Variants in FAM78A observed in about 807,000 individuals in gnomAD.
FAM78A encodes the protein family with sequence similarity 78 member A, also known as protein FAM78A.
FAM78A carries 12 observed loss-of-function variants against 22.6 expected under a neutral mutation model. That is an observed-to-expected ratio of 0.53 (90% CI 0.34 to 0.86). The LOEUF is 0.86. Ranked by LOEUF, FAM78A falls within the 40% of genes least tolerant of loss-of-function variation. The probability of loss-of-function intolerance (pLI) is 0.02; values close to 1 mark genes in which losing one functional copy is unlikely to be tolerated. For missense variants in FAM78A, 322 were observed against 396.1 expected (o/e 0.81, Z 1.59); for synonymous variants, 151 against 155.8 (o/e 0.97, Z 0.23).
chr9:131,271,033 T>G (rs1835415530), intron 1 of FAM78A, among the ~76,000 whole-genome samples: 1 of 139,870 alleles, frequency 7.1e-6, no homozygotes. Flanking sequence ...TGAGATGTGG[T>G]CTCACTCTGT....
At chr9:131,270,552 G>A (rs1363013000) in intron 1 of FAM78A, 1 of 714,470 alleles carries the variant, frequency 1.4e-6, no homozygotes, top group Admixed American at 2.0e-5. Context: ...GCTCTCTTTA[G>A]GCTGGGTCAT....
chr9:131,277,056 G>A (rs1335166487), upstream of FAM78A, among the ~76,000 whole-genome samples: 2 of 150,728 alleles, frequency 1.3e-5, no homozygotes, highest in African/African-American at 4.8e-5. This position sits in a 1 kb window ranked among gnomAD's most constrained non-coding sequence, Gnocchi z 8.4. Context: ...GCGGGCTGCG[G>A]AGCTGACGGC....
rs1835436848 is a variant in FAM78A at position 131,272,833 on chromosome 9, G to A, written c.323+3024C>T. Among the ~76,000 whole-genome samples, 1 of 152,096 alleles carries A rather than the reference G, an allele frequency of 6.6e-6. No individual in the cohort carries two copies. Among genetic ancestry groups the A allele is most frequent in the African/African-American group, 2.4e-5 (1 of 41,406 alleles). ...GTAATCCCAGCTACTCTGGAGGCTGGAGCCGGAGAATCACTTGAACCCGGG... is the reference window on the plus strand; with the variant it reads ...GTAATCCCAGCTACTCTGGAGGCTGAAGCCGGAGAATCACTTGAACCCGGG... On this transcript the variant is annotated intron_variant, in intron 1 of 1. Coordinates refer to ENST00000372271, the MANE Select transcript of FAM78A (RefSeq NM_033387.4). The surrounding 1 kb of genome is among the most constrained non-coding windows in gnomAD (Gnocchi z 4.1).
At chr9:131,262,676 G>A (rs1835289089) in intron 1 of FAM78A, 1 of 152,118 alleles carries the variant, frequency 6.6e-6, no homozygotes, top group Non-Finnish European at 1.5e-5. Context: ...TAAACAAAAT[G>A]TGCTACATAC....
Position 131,260,621 on chromosome 9 carries a change from C to T in FAM78A, c.*201G>A. 1.9e-6 allele frequency: 1 copy of T among 535,952 alleles called. No individual in the cohort carries two copies. Among genetic ancestry groups the T allele is most frequent in the Non-Finnish European group, 3.1e-6 (1 of 318,732 alleles). 33.2% of individuals were successfully genotyped at this position (535,952 alleles called of 1,614,324 possible). A position where few individuals can be genotyped will look rare whatever the true frequency, so the allele number is the denominator to read the frequency against. The stretch of plus-strand genomic sequence containing the variant: ...AGGGCGCACGTGGGGTCTGTCTGTC[C>T]TGCTTAGATCTCCCCTCTCCCTGAA... On this transcript the variant is annotated 3_prime_UTR_variant, in exon 2 of 2. Coordinates refer to ENST00000372271, the MANE Select transcript of FAM78A (RefSeq NM_033387.4). The surrounding 1 kb of genome is among the most constrained non-coding windows in gnomAD (Gnocchi z 5.4).
chr9:131,265,633 G>A lies in FAM78A; in HGVS notation c.324-4283C>T, dbSNP rs902309972. Among the ~76,000 whole-genome samples the A allele has an allele frequency of 3.9e-5, 6 of 152,004 alleles. No individual in the cohort carries two copies. Among genetic ancestry groups the A allele is most frequent in the East Asian group, 1.9e-4 (1 of 5,174 alleles). On this transcript the variant is annotated intron_variant, in intron 1 of 1. Coordinates refer to ENST00000372271, the MANE Select transcript of FAM78A (RefSeq NM_033387.4). The surrounding 1 kb of genome is among the most constrained non-coding windows in gnomAD (Gnocchi z 4.3). ...AACCCCTGACCTCAGGTGACTGCCC[G>A]CCTCGGCCTCCCAAAGTGCTGGGAT...
upstream of FAM78A, among the ~76,000 whole-genome samples, chr9:131,280,567 G>A (rs566953281): frequency 3.9e-4 from 59 of 152,204 alleles, no homozygotes; most frequent in Middle Eastern, 3.4e-3. Context: ...GGGGAGACAC[G>A]GCCCCATCCC....
rs541728294 is a variant in FAM78A, at chr9:131,275,273, T to C, written c.323+584A>G. On this transcript the variant is annotated intron_variant, in intron 1 of 1. Coordinates refer to ENST00000372271, the MANE Select transcript of FAM78A (RefSeq NM_033387.4). This position sits in a 1 kb window ranked among gnomAD's most constrained non-coding sequence, Gnocchi z 4.6. The stretch of plus-strand genomic sequence containing the variant: ...GCCTTGGAGACAGAAAGCGATACAC[T>C]GTGAAGAAATCGGGCTTCTAAAACT... Among the ~76,000 whole-genome samples the C allele has an allele frequency of 1.6e-4, 25 of 152,302 alleles. No homozygotes were observed. The highest frequency in any genetic ancestry group is 5.1e-4 in the African/African-American group (21 of 41,566).
chr9:131,262,732 C>T (rs1835290191), intron 1 of FAM78A: 3 of 152,144 alleles, frequency 2.0e-5, no homozygotes, highest in Admixed American at 2.0e-4. Context: ...GATGTTCCAA[C>T]ACAGGCTACA....
Position 131,275,814 on chromosome 9 carries a change from C to A in FAM78A, c.323+43G>T. 6.5e-7 allele frequency: 1 copy of A among 1,527,954 alleles called. No individual in the cohort carries two copies. The highest frequency in any genetic ancestry group is 8.8e-7 in the Non-Finnish European group (1 of 1,137,046). The allele number at this position is 1,527,954 out of a possible 1,614,324, so 94.6% of individuals were successfully genotyped here. ...CCCCCCACCAGGCCTCCAAGCTCGGCCATCCCTAGCAGTTCCCAGAGCTGG... is the reference window on the plus strand; with the variant it reads ...CCCCCCACCAGGCCTCCAAGCTCGGACATCCCTAGCAGTTCCCAGAGCTGG... On this transcript the variant is annotated intron_variant, in intron 1 of 1. Coordinates refer to ENST00000372271, the MANE Select transcript of FAM78A (RefSeq NM_033387.4). This position sits in a 1 kb window ranked among gnomAD's most constrained non-coding sequence, Gnocchi z 4.6.
In FAM78A at chr9:131,275,627, A is replaced by C. The variant is rs1480263349; in HGVS notation, c.323+230T>G. Among the ~76,000 whole-genome samples the C allele has an allele frequency of 1.3e-5, 2 of 152,232 alleles. No individual in the cohort carries two copies. Among genetic ancestry groups the C allele is most frequent in the Non-Finnish European group, 2.9e-5 (2 of 68,034 alleles). ...GGAAGGACACAGGAACCCGGGGGGA[A>C]CAGTGGCAGGGTAGATTGCAGGACC... On this transcript the variant is annotated intron_variant, in intron 1 of 1. Transcript: ENST00000372271. The surrounding 1 kb of genome is among the most constrained non-coding windows in gnomAD (Gnocchi z 4.6).
upstream of FAM78A, among the ~76,000 whole-genome samples, chr9:131,277,156 A>T (rs1835497481): frequency 6.6e-6 from 1 of 150,780 alleles, no homozygotes; most frequent in African/African-American, 2.4e-5. This position sits in a 1 kb window ranked among gnomAD's most constrained non-coding sequence, Gnocchi z 8.4. Context: ...CGCACCAGCG[A>T]ATAATAGCCG....
At chr9:131,264,726 C>CTTT in intron 1 of FAM78A, 29 of 562,080 alleles carry the variant, frequency 5.2e-5, no homozygotes, top group Middle Eastern at 4.1e-4. Context: ...CTTTTCTGAC[C>CTTT]TTTTTTTTTT....
chr9:131,264,324 C>A (rs1835313367), intron 1 of FAM78A: 1 of 473,896 alleles, frequency 2.1e-6, no homozygotes, highest in African/African-American at 2.0e-5. Context: ...AGGTGAGGAG[C>A]CTCCCAGGCT....
At chr9:131,277,507 T>G (rs1037285952), upstream of FAM78A, among the ~76,000 whole-genome samples, 1 of 151,558 alleles carries the variant, frequency 6.6e-6, no homozygotes, top group African/African-American at 2.4e-5. This position sits in a 1 kb window ranked among gnomAD's most constrained non-coding sequence, Gnocchi z 8.4. Flanking sequence ...CCGGGGAACT[T>G]TGGCGCGCAC....
intron 1 of FAM78A, among the ~76,000 whole-genome samples, chr9:131,266,472 C>T (rs923828377): frequency 2.0e-5 from 3 of 152,048 alleles, no homozygotes; most frequent in African/African-American, 7.3e-5. Context: ...GCGTCATCCT[C>T]GTCCTCATCC....
chr9:131,265,447 C>T lies in FAM78A; in HGVS notation c.324-4097G>A, dbSNP rs768362657. 3.3e-5 allele frequency among the ~76,000 whole-genome samples: 5 copies of T among 152,190 alleles called. No homozygotes were observed. Among genetic ancestry groups the T allele is most frequent in the Non-Finnish European group, 7.3e-5 (5 of 68,032 alleles). ...ATTATTTAGTAGAGATGGGGTTTCA[C>T]CGTGTTATTCAGGTTGGTCTCGAAC... On this transcript the variant is annotated intron_variant, in intron 1 of 1. Transcript: ENST00000372271. This position sits in a 1 kb window ranked among gnomAD's most constrained non-coding sequence, Gnocchi z 4.3.
chr9:131,267,879 A>G (rs1342192647), intron 1 of FAM78A, among the ~76,000 whole-genome samples: 1 of 152,104 alleles, frequency 6.6e-6, no homozygotes, highest in African/African-American at 2.4e-5. Context: ...CCCCGTCTCT[A>G]CTAAAAATAT....
upstream of FAM78A, among the ~76,000 whole-genome samples, chr9:131,277,825 C>T (rs1229458006): frequency 6.6e-6 from 1 of 151,166 alleles, no homozygotes; most frequent in African/African-American, 2.4e-5. This position sits in a 1 kb window ranked among gnomAD's most constrained non-coding sequence, Gnocchi z 8.4. Context: ...CGCGCTGTCG[C>T]CGCTCAGCCC....
Sources: allele counts gnomAD v4.1 joint callset (sites outside exome capture counted in the v4.1 genomes callset), GRCh38; gene constraint gnomAD v4.1.1; non-coding constraint Gnocchi (gnomAD v3.1); transcripts MANE v1.5; gene names NCBI Gene and HGNC (gene_info 2026-07-23, HGNC 2026-07-21).